DNAH17: variants seen among roughly 807,000 people sequenced by gnomAD.
DNAH17 encodes axonemal beta dynein heavy chain 17.
A neutral mutation model predicts 485.6 loss-of-function variants in DNAH17; 376 were observed. That is an observed-to-expected ratio of 0.77 (90% confidence interval 0.71 to 0.84). The LOEUF (loss-of-function observed/expected upper bound fraction) is 0.84. Ranked by LOEUF, DNAH17 falls within the 40% of genes least tolerant of loss-of-function variation. The pLI is 0.00. For synonymous variants in DNAH17, 3,031 were observed against 2,405.9 expected, an observed-to-expected ratio of 1.26 and a Z score of -7.60; for missense variants, 6,370 against 5,839.3, an observed-to-expected ratio of 1.09 and a Z score of -2.96.
At chr17:78,548,879 C>T (rs2091837834) in intron 16 of DNAH17, among the ~76,000 whole-genome samples, 1 of 152,262 alleles carries the variant, frequency 6.6e-6, no homozygotes, top group Non-Finnish European at 1.5e-5. Context: ...CTCCCCGGCT[C>T]TGCTTCCGCA....
chr17:78,505,932 C>A (rs1405659673), intron 30 of DNAH17, among the ~76,000 whole-genome samples: 1 of 152,012 alleles, frequency 6.6e-6, no homozygotes, highest in African/African-American at 2.4e-5. Context: ...GAGCCGAGAT[C>A]GCGCCATTGC....
At chr17:78,564,447 C>A (rs2092226117) in intron 11 of DNAH17, among the ~76,000 whole-genome samples, 1 of 152,096 alleles carries the variant, frequency 6.6e-6, no homozygotes, top group Non-Finnish European at 1.5e-5. Flanking sequence ...GGTGCAGGAG[C>A]CACAGAAGCC....
At chr17:78,435,183 A>T (rs935948886) in intron 74 of DNAH17, among the ~76,000 whole-genome samples, 2 of 152,140 alleles carry the variant, frequency 1.3e-5, no homozygotes, top group Non-Finnish European at 2.9e-5. Context: ...GGCAGTGAAC[A>T]CGTGGAGAGC....
At chr17:78,545,781 C>A (rs4969194) in intron 16 of DNAH17, among the ~76,000 whole-genome samples, 94,594 of 151,934 alleles carry the variant, frequency 0.62, 29,511 homozygotes, top group East Asian at 0.68. Context: ...ATTTATATAG[C>A]TATATTAACA....
At chr17:78,485,430 G>C in intron 47 of DNAH17, 120 bp downstream of exon 47, 1 of 967,468 alleles carries the variant, frequency 1.0e-6, no homozygotes, top group East Asian at 2.6e-5. Flanking sequence ...GTGGGGCATG[G>C]GAAGTGAGGA....
chr17:78,522,858 C>CTTTT (rs540576103), intron 25 of DNAH17: 48 of 160,368 alleles, frequency 3.0e-4, no homozygotes, highest in South Asian at 7.9e-4. Context: ...CTTTTTCTTT[C>CTTTT]TTTTTTTTTT....
Position 78,543,848 on chromosome 17 carries a change from T to C in DNAH17, c.2532+9A>G. 6.2e-7 allele frequency: 1 copy of C among 1,614,000 alleles called. No individual in the cohort carries two copies. ...GGGTTCTCAAAAAACCTCCTGGGTG[T>C]TTCCTTACTGCAACCATGGCTTGGA... On this transcript the variant is annotated intron_variant, in intron 17 of 80. Coordinates refer to ENST00000389840, the MANE Select transcript of DNAH17 (RefSeq NM_173628.4).
chr17:78,446,180 A>AAAAAAAAAC (rs2087288569), intron 69 of DNAH17, among the ~76,000 whole-genome samples: 1 of 145,044 alleles, frequency 6.9e-6, no homozygotes. Context: ...TCTCAAAAAA[A>AAAAAAAAAC]AAAAAAAAAA....
rs752382353 is a variant in DNAH17, at chr17:78,507,273, C to T, written c.4676+5G>A. ...TCCCCTGGTCTGGATAGGTGTGAGCCGCACCTCTTCTTCAGGGCCTCCAGT... is the reference window on the plus strand; with the variant it reads ...TCCCCTGGTCTGGATAGGTGTGAGCTGCACCTCTTCTTCAGGGCCTCCAGT... On this transcript the variant is annotated splice_donor_5th_base_variant and intron_variant, in intron 29 of 80. Transcript: ENST00000389840. 9.3e-6 allele frequency: 15 copies of T among 1,613,764 alleles called. No homozygotes were observed. The highest frequency in any genetic ancestry group is 5.3e-5 in the African/African-American group (4 of 74,918).
intron 1 of DNAH17, among the ~76,000 whole-genome samples, chr17:78,576,070 G>T (rs2092428871): frequency 6.6e-6 from 1 of 152,156 alleles, no homozygotes; most frequent in African/African-American, 2.4e-5. Flanking sequence ...CAGCTGCTCT[G>T]GGGGTCCGTG....
At chr17:78,513,189 A>G (rs2090682618) in intron 26 of DNAH17, among the ~76,000 whole-genome samples, 1 of 152,116 alleles carries the variant, frequency 6.6e-6, no homozygotes. Context: ...AGGCCTCATT[A>G]TACCCCCCTC....
chr17:78,567,773 C>T (rs1182945250), intron 9 of DNAH17, among the ~76,000 whole-genome samples: 1 of 152,152 alleles, frequency 6.6e-6, no homozygotes, highest in African/African-American at 2.4e-5. Flanking sequence ...GCCCGGTCTC[C>T]CATCTGCGCC....
At chr17:78,561,588 C>T (rs1568258238) in intron 12 of DNAH17, 127 bp downstream of exon 12, 1 of 1,204,342 alleles carries the variant, frequency 8.3e-7, no homozygotes, top group Non-Finnish European at 1.1e-6. Context: ...CTCTTCTGGG[C>T]TTTTGCTCTG....
At chr17:78,479,432 C>T (rs573046546) in intron 50 of DNAH17, 53 bp downstream of exon 50, 14 of 1,541,612 alleles carry the variant, frequency 9.1e-6, no homozygotes, top group Non-Finnish European at 1.2e-5. Context: ...ACCATCAGCC[C>T]ACAGAGCCAT....
chr17:78,504,324 C>G (rs528698274), intron 31 of DNAH17, among the ~76,000 whole-genome samples: 1 of 152,234 alleles, frequency 6.6e-6, no homozygotes, highest in African/African-American at 2.4e-5. Context: ...CTCGACCTCC[C>G]AAAGTGCTGG....
chr17:78,572,339 C>G (rs955828748), intron 3 of DNAH17, among the ~76,000 whole-genome samples: 1 of 152,180 alleles, frequency 6.6e-6, no homozygotes, highest in Admixed American at 6.5e-5. Context: ...ACTCACTGAC[C>G]CTGTCCCACA....
Position 78,526,997 on chromosome 17 carries a change from C to A in DNAH17, c.3508-1G>T. On this transcript the variant is annotated splice_acceptor_variant, in intron 22 of 80. Transcript: ENST00000389840. LOFTEE classifies it high-confidence loss of function. ...TATTTGCCCAGTGCTCCGGCAGCTC[C>A]TGCGGGAAGCAAAGGCAGAGGAGGG... The A allele has an allele frequency of 6.4e-7, 1 of 1,568,228 alleles. No individual in the cohort carries two copies. The highest frequency in any genetic ancestry group is 2.3e-5 in the East Asian group (1 of 42,826).
Position 78,494,111 on chromosome 17 carries a change from C to G in DNAH17, c.6333G>C (p.Val2111=), listed in dbSNP as rs1598579172. The G allele has an allele frequency of 6.2e-6, 10 of 1,612,822 alleles. No individual in the cohort carries two copies. Among genetic ancestry groups the G allele is most frequent in the Non-Finnish European group, 4.2e-6 (5 of 1,179,836 alleles). The change falls in exon 41 of 81, where the codon GTG becomes GTC. Residue 2111 remains valine (V), a synonymous_variant. Coordinates refer to ENST00000389840, the MANE Select transcript of DNAH17 (RefSeq NM_173628.4). ...LQAEDSFVLK[V]VQLEELLQVR... ...CCTGCAGCAGCTCCTCCAGCTGCAC[C>G]ACCTTCAGCACGAAGCTGTCCTCCG... is the stretch of plus-strand genomic sequence containing the variant.
intron 72 of DNAH17, 35 bp downstream of exon 72, chr17:78,441,016 C>A: frequency 6.4e-7 from 1 of 1,553,510 alleles, no homozygotes; most frequent in Non-Finnish European, 8.7e-7. Flanking sequence ...GACAATACTC[C>A]GTCTTTGAGA....
Sources: gnomAD v4.1 joint callset for allele counts (sites outside exome capture counted in the v4.1 genomes callset) on GRCh38, gnomAD v4.1.1 for gene constraint, MANE v1.5 for transcripts, NCBI Gene and HGNC (gene_info 2026-07-23, HGNC 2026-07-21) for gene names.